Variants in PEX14 observed in about 807,000 individuals in gnomAD.
The protein encoded by PEX14 is peroxisomal membrane protein PEX14.
Under a neutral mutation model 49.5 loss-of-function variants are expected in PEX14, and 15 were observed. The ratio of observed to expected loss-of-function variants is 0.30; its 90% CI spans 0.20 to 0.47. PEX14 has a LOEUF of 0.47. PEX14 is among the 20% of genes least tolerant of loss of function. The probability of loss-of-function intolerance (pLI) is 1.00; values close to 1 mark genes in which losing one functional copy is unlikely to be tolerated. For synonymous variants in PEX14, 210 were observed against 212.7 expected (o/e 0.99, Z 0.11); for missense variants, 398 against 494.8 (o/e 0.80, Z 1.86).
At position 10,512,121 on chromosome 1, in the gene PEX14, G is replaced by C. The variant is rs369003275; in HGVS notation, c.84+16800G>C. ...ACTACAGGCGCCTGCCCCCACGCTC[G>C]GCTAATTTTGGTATTTTTAGTAGAG... On this transcript the variant is annotated intron_variant, in intron 2 of 8. Transcript: ENST00000356607. This position sits in a 1 kb window ranked among gnomAD's most constrained non-coding sequence, Gnocchi z 4.6. Among the ~76,000 whole-genome samples, 1 of 151,992 alleles carries C rather than the reference G, an allele frequency of 6.6e-6. No individual in the cohort carries two copies. Among genetic ancestry groups the C allele is most frequent in the African/African-American group, 2.4e-5 (1 of 41,370 alleles).
chr1:10,524,677 TTTGATTGA>T (rs113020709), intron 2 of PEX14, among the ~76,000 whole-genome samples: 13 of 71,308 alleles, frequency 1.8e-4, no homozygotes, highest in East Asian at 8.7e-4. Context: ...TGTGGAATCA[TTTGATTGA>T]TTGATTGATT....
chr1:10,485,085 C>T (rs1381013730), intron 1 of PEX14, among the ~76,000 whole-genome samples: 1 of 151,580 alleles, frequency 6.6e-6, no homozygotes, highest in African/African-American at 2.4e-5. Context: ...GAGTCTGTTC[C>T]CCACAGGATT....
At chr1:10,580,163 A>C (rs1426851609) in intron 3 of PEX14, among the ~76,000 whole-genome samples, 1 of 152,200 alleles carries the variant, frequency 6.6e-6, no homozygotes, top group Non-Finnish European at 1.5e-5. Context: ...TCATATATTT[A>C]TATGTAATGA....
intron 3 of PEX14, among the ~76,000 whole-genome samples, chr1:10,541,565 G>A (rs893660023): frequency 2.0e-5 from 3 of 152,196 alleles, no homozygotes; most frequent in Non-Finnish European, 2.9e-5. Flanking sequence ...TGTGGCAGCC[G>A]CGCTTGTTCC....
intron 3 of PEX14, among the ~76,000 whole-genome samples, chr1:10,589,277 G>A (rs1157204196): frequency 6.6e-6 from 1 of 152,130 alleles, no homozygotes. Flanking sequence ...CAGATTGCAA[G>A]GGTATATGGG....
rs1396088383 is a variant in PEX14 at position 10,494,295 on chromosome 1, T to G, written c.37-979T>G. Among the ~76,000 whole-genome samples, 1 of 152,184 alleles carries G rather than the reference T, an allele frequency of 6.6e-6. No individual in the cohort carries two copies. The highest frequency in any genetic ancestry group is 1.5e-5 in the Non-Finnish European group (1 of 68,028). ...GGCGGCCTGGCACTTCCATCTGATC[T>G]GTAATAGCCGGGAGAATGGAGGCTG... On this transcript the variant is annotated intron_variant, in intron 1 of 8. Transcript: ENST00000356607. This position sits in a 1 kb window ranked among gnomAD's most constrained non-coding sequence, Gnocchi z 4.3.
chr1:10,536,128 GCTGGGAAAAACTC>G, intron 2 of PEX14, 72 bp from the exon 3 acceptor site: 1 of 861,280 alleles, frequency 1.2e-6, no homozygotes, highest in South Asian at 1.3e-5. Flanking sequence ...TCTCTGTGGA[GCTGGGAAAAACTC>G]CTAGGATTTT....
chr1:10,477,225 C>T (rs1641211392), intron 1 of PEX14, among the ~76,000 whole-genome samples: 1 of 152,084 alleles, frequency 6.6e-6, no homozygotes, highest in African/African-American at 2.4e-5. Context: ...CGCCCGCCAC[C>T]ATGCCCAGCT....
intron 2 of PEX14, among the ~76,000 whole-genome samples, chr1:10,499,185 G>A (rs1388807644): frequency 6.6e-6 from 1 of 152,176 alleles, no homozygotes; most frequent in African/African-American, 2.4e-5. Context: ...CAGTAAATAA[G>A]GTTTGATTTA....
intron 2 of PEX14, among the ~76,000 whole-genome samples, chr1:10,508,999 C>T (rs982263020): frequency 4.6e-5 from 7 of 151,422 alleles, no homozygotes; most frequent in African/African-American, 4.9e-5. Flanking sequence ...TGCAGTGGTG[C>T]GATCTCGGCT....
In PEX14 at chr1:10,630,038, C is replaced by T. The variant is rs756760211; in HGVS notation, c.*51C>T. 7.5e-6 allele frequency: 12 copies of T among 1,596,776 alleles called. No individual in the cohort carries two copies. In the East Asian group the frequency reaches 1.3e-4, roughly 18 times the overall value. Reference sequence around the variant, plus strand: ...GAGGATGGCATCTAGTGTGCCCGTGCGTGGCCATACCCTGCCTCCCTCTCT... The same window carrying T: ...GAGGATGGCATCTAGTGTGCCCGTGTGTGGCCATACCCTGCCTCCCTCTCT... On this transcript the variant is annotated 3_prime_UTR_variant, in exon 9 of 9. Coordinates refer to ENST00000356607, the MANE Select transcript of PEX14 (RefSeq NM_004565.3). This position sits in a 1 kb window ranked among gnomAD's most constrained non-coding sequence, Gnocchi z 4.1.
chr1:10,617,522 C>G lies in PEX14; in HGVS notation c.299-810C>G, dbSNP rs1249285772. Reference sequence around the variant, plus strand: ...TACCTGCGGCTTCCTTGGCTCCTCTCCGTTCTCCCCAGCACCCTGCTCTTG... The same window carrying G: ...TACCTGCGGCTTCCTTGGCTCCTCTGCGTTCTCCCCAGCACCCTGCTCTTG... On this transcript the variant is annotated intron_variant, in intron 4 of 8. Coordinates refer to ENST00000356607, the MANE Select transcript of PEX14 (RefSeq NM_004565.3). Among the ~76,000 whole-genome samples, 3 of 152,284 alleles carry G rather than the reference C, an allele frequency of 2.0e-5. No individual in the cohort carries two copies. The East Asian group carries it at 5.8e-4, about 29-fold the overall frequency.
rs72857079 is a variant in PEX14, at chr1:10,598,291, C to T, written c.170-947C>T. On this transcript the variant is annotated intron_variant, in intron 3 of 8. Transcript: ENST00000356607. ...ACTTCCTGAGCTGGCCCCGTGTGACCGCTCCTTTCATACTTGAGCGCCACA... is the reference window on the plus strand; with the variant it reads ...ACTTCCTGAGCTGGCCCCGTGTGACTGCTCCTTTCATACTTGAGCGCCACA... 3.9e-3 allele frequency among the ~76,000 whole-genome samples: 596 copies of T among 152,288 alleles called. 4 individuals are homozygous for T. Among genetic ancestry groups the T allele is most frequent in the African/African-American group, 0.014 (567 of 41,558 alleles).
At chr1:10,510,977 G>A (rs942270469) in intron 2 of PEX14, among the ~76,000 whole-genome samples, 1 of 152,152 alleles carries the variant, frequency 6.6e-6, no homozygotes, top group Admixed American at 6.5e-5. Context: ...GTCTTTATTT[G>A]CAATGACACT....
chr1:10,620,158 TC>T (rs1363681570), intron 5 of PEX14, among the ~76,000 whole-genome samples: 1 of 151,616 alleles, frequency 6.6e-6, no homozygotes, highest in Non-Finnish European at 1.5e-5. Context: ...AAACAAAACA[TC>T]CTGGGTTGGC....
chr1:10,570,829 T>C (rs1019651259), intron 3 of PEX14, among the ~76,000 whole-genome samples: 4 of 145,406 alleles, frequency 2.8e-5, no homozygotes, highest in Non-Finnish European at 4.5e-5. Flanking sequence ...GAAGTTTCTT[T>C]AGAGAAAATG....
chr1:10,620,930 G>C (rs1039425374), intron 5 of PEX14, among the ~76,000 whole-genome samples: 3 of 152,236 alleles, frequency 2.0e-5, no homozygotes, highest in African/African-American at 4.8e-5. Context: ...ACGAACGCCA[G>C]AGTCCTCAGA....
chr1:10,520,148 C>CTTCTTTTTT (rs1553185419), intron 2 of PEX14, among the ~76,000 whole-genome samples: 2 of 69,162 alleles, frequency 2.9e-5, no homozygotes, highest in African/African-American at 8.5e-5. Flanking sequence ...CCTTCTTCTT[C>CTTCTTTTTT]TTTTTTTTTT....
In PEX14 at chr1:10,624,246, C is replaced by T. The variant is rs569534099; in HGVS notation, c.488-94C>T. The stretch of plus-strand genomic sequence containing the variant: ...GTGTCTGCAGATAAATTAGATGGAG[C>T]GGGAACACGGGCAGCTCCGAGGTGT... On this transcript the variant is annotated intron_variant, in intron 6 of 8. Coordinates refer to ENST00000356607, the MANE Select transcript of PEX14 (RefSeq NM_004565.3). 25 of 827,024 alleles carry T rather than the reference C, an allele frequency of 3.0e-5. 1 individual carries two copies. Among genetic ancestry groups the T allele is most frequent in the South Asian group, 1.9e-4 (14 of 75,144 alleles). The allele number at this position is 827,024 out of a possible 1,614,324, so 51.2% of individuals were successfully genotyped here.
Sources: gnomAD v4.1 joint callset for allele counts (sites outside exome capture counted in the v4.1 genomes callset) on GRCh38, gnomAD v4.1.1 for gene constraint, Gnocchi (gnomAD v3.1) non-coding constraint, MANE v1.5 for transcripts, NCBI Gene and HGNC (gene_info 2026-07-23, HGNC 2026-07-21) for gene names.